The following ADGRL2 variants were observed in gnomAD, a reference collection of about 807,000 sequenced individuals.
ADGRL2 encodes calcium-independent alpha-latrotoxin receptor 2.
In ADGRL2, 44 loss-of-function variants were observed where a neutral mutation model predicts 157.4. That is an observed-to-expected ratio of 0.28 (90% CI 0.22 to 0.36). ADGRL2 has a LOEUF of 0.36. Among genes scored for constraint, ADGRL2 ranks in the 10% least tolerant of loss-of-function variants. The probability of loss-of-function intolerance (pLI) is 1.00; values close to 1 mark genes in which losing one functional copy is unlikely to be tolerated. For synonymous variants in ADGRL2, 585 were observed against 624.7 expected (o/e 0.94, Z 0.95); for missense variants, 1,510 against 1,768.9 (o/e 0.85, Z 2.63).
At chr1:81,556,849 G>A (rs2080291163) in intron 2 of ADGRL2, among the ~76,000 whole-genome samples, 2 of 151,636 alleles carry the variant, frequency 1.3e-5, no homozygotes, top group Admixed American at 6.6e-5. Context: ...AGGCCGAGGC[G>A]GGTGGATCAC....
chr1:81,391,572 A>G (rs941285126), intron 1 of ADGRL2, among the ~76,000 whole-genome samples: 5 of 152,260 alleles, frequency 3.3e-5, no homozygotes, highest in African/African-American at 9.6e-5. Context: ...TTATCTTTCT[A>G]TTTGTACCTC....
At chr1:81,840,006 G>T (rs1288841707) in intron 2 of ADGRL2, among the ~76,000 whole-genome samples, 1 of 134,944 alleles carries the variant, frequency 7.4e-6, no homozygotes, top group Admixed American at 7.5e-5. Context: ...TTGATTGATG[G>T]GCATTTGGGT....
At chr1:81,864,254 A>T (rs957749195) in intron 2 of ADGRL2, among the ~76,000 whole-genome samples, 1 of 152,156 alleles carries the variant, frequency 6.6e-6, no homozygotes, top group Non-Finnish European at 1.5e-5. Flanking sequence ...ATTGTCAAGC[A>T]AGAAGTTTTT....
chr1:81,794,043 A>G (rs1218437744), intron 2 of ADGRL2, among the ~76,000 whole-genome samples: 1 of 152,128 alleles, frequency 6.6e-6, no homozygotes, highest in Non-Finnish European at 1.5e-5. Flanking sequence ...AACTATAAAA[A>G]TTGTTTTTAT....
At chr1:81,509,566 GA>G (rs1266936568) in intron 2 of ADGRL2, among the ~76,000 whole-genome samples, 1 of 152,168 alleles carries the variant, frequency 6.6e-6, no homozygotes, top group East Asian at 1.9e-4. Context: ...CATTGTGGTA[GA>G]AATCATATTA....
chr1:81,906,122 A>G (rs776858281), intron 2 of ADGRL2, among the ~76,000 whole-genome samples: 5 of 152,104 alleles, frequency 3.3e-5, no homozygotes, highest in Admixed American at 1.3e-4. Context: ...TCCACATGCT[A>G]CAGTACTCTC....
chr1:81,766,345 C>T (rs1011164673), intron 2 of ADGRL2, among the ~76,000 whole-genome samples: 1 of 152,152 alleles, frequency 6.6e-6, no homozygotes, highest in East Asian at 1.9e-4. Context: ...TAAACAATAT[C>T]GTAAGTTGGC....
intron 2 of ADGRL2, among the ~76,000 whole-genome samples, chr1:81,560,563 C>T (rs1186777985): frequency 1.3e-5 from 2 of 152,130 alleles, no homozygotes; most frequent in Admixed American, 6.5e-5. Context: ...GAATTCAACA[C>T]ATCTTTTTCT....
chr1:81,936,674 T>A, intron 3 of ADGRL2, 54 bp from the exon 4 acceptor site: 1 of 1,010,848 alleles, frequency 9.9e-7, no homozygotes. Flanking sequence ...TATATTTAAG[T>A]GAAAATAATC....
intron 5 of ADGRL2, chr1:81,942,710 T>C: frequency 2.1e-6 from 1 of 485,598 alleles, no homozygotes; most frequent in Non-Finnish European, 3.8e-6. Flanking sequence ...AAATTTAAAT[T>C]GTCAGACCAC....
chr1:81,408,389 TTAAAG>T (rs1178255925), intron 1 of ADGRL2, among the ~76,000 whole-genome samples: 1 of 152,222 alleles, frequency 6.6e-6, no homozygotes, highest in Non-Finnish European at 1.5e-5. Flanking sequence ...ATTGTATTAA[TTAAAG>T]TAAATATAAA....
At position 81,964,476 on chromosome 1, in the gene ADGRL2, A is replaced by G. The variant is rs114261934; in HGVS notation, c.2018-1582A>G. On this transcript the variant is annotated intron_variant, in intron 11 of 23. Coordinates refer to ENST00000686636, the MANE Select transcript of ADGRL2 (RefSeq NM_001366006.2). ...TATCAGTAAAATAAGTGTATCAACCAGTTTCTGCAGCTGATAGAATTTTAG... is the reference window on the plus strand; with the variant it reads ...TATCAGTAAAATAAGTGTATCAACCGGTTTCTGCAGCTGATAGAATTTTAG... 7.8e-3 allele frequency among the ~76,000 whole-genome samples: 1,187 copies of G among 152,250 alleles called. 6 individuals are homozygous for G. The highest frequency in any genetic ancestry group is 0.014 in the Non-Finnish European group (920 of 67,964).
At chr1:81,554,956 G>C (rs577026222) in intron 2 of ADGRL2, among the ~76,000 whole-genome samples, 1 of 151,986 alleles carries the variant, frequency 6.6e-6, no homozygotes, top group South Asian at 2.1e-4. Flanking sequence ...AGCCTTCAAG[G>C]GAGAACCAAG....
intron 3 of ADGRL2, among the ~76,000 whole-genome samples, chr1:81,910,450 G>A (rs2094693877): frequency 6.6e-6 from 1 of 151,342 alleles, no homozygotes; most frequent in African/African-American, 2.4e-5. Flanking sequence ...TACATCATTG[G>A]TTAATTTTGT....
chr1:81,460,419 C>G (rs2077902325), intron 2 of ADGRL2, among the ~76,000 whole-genome samples: 1 of 151,736 alleles, frequency 6.6e-6, no homozygotes, highest in Non-Finnish European at 1.5e-5. Context: ...GCTGCTTTAC[C>G]TCAGCCAACT....
chr1:81,601,282 T>C (rs2081329059), intron 3 of ADGRL2, among the ~76,000 whole-genome samples: 1 of 152,282 alleles, frequency 6.6e-6, no homozygotes, highest in African/African-American at 2.4e-5. Context: ...CTTTGGTGAG[T>C]CTTTTAATTT....
chr1:81,961,176 T>C (rs1041337571), intron 11 of ADGRL2, among the ~76,000 whole-genome samples: 1 of 152,198 alleles, frequency 6.6e-6, no homozygotes, highest in Non-Finnish European at 1.5e-5. Context: ...TGTATTCATG[T>C]TCAGAAAATC....
At chr1:81,589,272 C>T (rs1451145196) in intron 3 of ADGRL2, among the ~76,000 whole-genome samples, 1 of 152,056 alleles carries the variant, frequency 6.6e-6, no homozygotes, top group Non-Finnish European at 1.5e-5. Context: ...TGATTTTATC[C>T]ATATGGTCCA....
chr1:81,506,669 C>T (rs1472133460), intron 2 of ADGRL2, among the ~76,000 whole-genome samples: 3 of 152,026 alleles, frequency 2.0e-5, no homozygotes, highest in Non-Finnish European at 2.9e-5. Context: ...GTGATGGCAC[C>T]ACTGCACTCC....
Sources: allele counts gnomAD v4.1 joint callset (sites outside exome capture counted in the v4.1 genomes callset), GRCh38; gene constraint gnomAD v4.1.1; transcripts MANE v1.5; gene names NCBI Gene and HGNC (gene_info 2026-07-23, HGNC 2026-07-21).